The following OXR1 variants were observed in gnomAD, a reference collection of about 807,000 sequenced individuals.
The protein encoded by OXR1 is oxidation resistance 1.
In OXR1, 41 loss-of-function variants were observed where a neutral mutation model predicts 104.6. The observed-to-expected ratio is 0.39, with a 90% CI of 0.31 to 0.51. The LOEUF (loss-of-function observed/expected upper bound fraction) is 0.51, where lower values mean the gene tolerates loss of function less well. Ranked by LOEUF, OXR1 falls within the 20% of genes least tolerant of loss-of-function variation. The probability of loss-of-function intolerance (pLI) is 0.77; values close to 1 mark genes in which losing one functional copy is unlikely to be tolerated. For synonymous variants in OXR1, 348 were observed against 348.4 expected (o/e 1.00, Z 0.01); for missense variants, 955 against 1,031.9 (o/e 0.93, Z 1.02).
rs554298861 is a variant in OXR1 at position 106,381,990 on chromosome 8, G to A, written c.23+22354G>A. Among the ~76,000 whole-genome samples, 13 of 152,224 alleles carry A rather than the reference G, an allele frequency of 8.5e-5. No individual in the cohort carries two copies. The East Asian group carries it at 2.3e-3, about 27-fold the overall frequency. On this transcript the variant is annotated intron_variant, in intron 2 of 16. Coordinates refer to ENST00000517566, the MANE Select transcript of OXR1 (RefSeq NM_001198533.2). Reference sequence around the variant, plus strand: ...GTCTAAACATTTCTTTCTAAATTATGAGCATCCATCAGATGATATTCCTTT... The same window carrying A: ...GTCTAAACATTTCTTTCTAAATTATAAGCATCCATCAGATGATATTCCTTT...
At chr8:106,621,451 TA>T (rs71562112) in intron 3 of OXR1, among the ~76,000 whole-genome samples, 2 of 149,466 alleles carry the variant, frequency 1.3e-5, no homozygotes, top group African/African-American at 4.9e-5. Context: ...ATGCTGTCTC[TA>T]AAAAAAACAA....
chr8:106,589,643 A>G (rs547227288), intron 3 of OXR1, among the ~76,000 whole-genome samples: 46 of 152,108 alleles, frequency 3.0e-4, no homozygotes, highest in Non-Finnish European at 5.6e-4. Context: ...CTGTGATGAG[A>G]GGTGCTTGAC....
intron 7 of OXR1, among the ~76,000 whole-genome samples, chr8:106,694,948 ATATT>A (rs1563717273): frequency 7.2e-6 from 1 of 139,714 alleles, no homozygotes; most frequent in Non-Finnish European, 1.5e-5. Context: ...TAAATATAAA[ATATT>A]TATATATATT....
chr8:106,447,803 A>G (rs916630310), intron 2 of OXR1: 3 of 1,063,254 alleles, frequency 2.8e-6, no homozygotes, highest in African/African-American at 1.6e-5. Flanking sequence ...CGAACGGCAT[A>G]TTCTTTGGGT....
intron 1 of OXR1, among the ~76,000 whole-genome samples, chr8:106,280,052 C>T (rs1812214969): frequency 6.6e-6 from 1 of 151,978 alleles, no homozygotes; most frequent in Non-Finnish European, 1.5e-5. Flanking sequence ...GACCAATAGT[C>T]CTAAAGCATA....
At chr8:106,671,703 C>A (rs941914235) in intron 3 of OXR1, among the ~76,000 whole-genome samples, 2 of 150,928 alleles carry the variant, frequency 1.3e-5, no homozygotes, top group African/African-American at 4.9e-5. Context: ...TCATTCTCAG[C>A]AAACTATCAC....
intron 3 of OXR1, among the ~76,000 whole-genome samples, chr8:106,642,587 T>C (rs1370719951): frequency 6.6e-6 from 1 of 152,202 alleles, no homozygotes; most frequent in Non-Finnish European, 1.5e-5. Context: ...CACACCATTT[T>C]TGCAGTCCTT....
intron 2 of OXR1, among the ~76,000 whole-genome samples, chr8:106,439,402 G>C (rs1293228542): frequency 6.6e-6 from 1 of 150,980 alleles, no homozygotes; most frequent in Admixed American, 6.6e-5. Flanking sequence ...CCAGAACTGT[G>C]AGAAAAAAAA....
At chr8:106,520,061 AT>A (rs762159113) in intron 3 of OXR1, among the ~76,000 whole-genome samples, 9 of 152,124 alleles carry the variant, frequency 5.9e-5, no homozygotes, top group Non-Finnish European at 1.2e-4. Context: ...ATTTGGAGAG[AT>A]TTGGTCACAT....
At chr8:106,733,793 T>A (rs1165804077) in intron 11 of OXR1, among the ~76,000 whole-genome samples, 22 of 133,306 alleles carry the variant, frequency 1.7e-4, no homozygotes. Flanking sequence ...GCCACTGCAC[T>A]CCAGCCTGAG....
rs570025630 is a variant in OXR1 at position 106,697,898 on chromosome 8, G to A, written c.676-5008G>A. 1.5e-4 allele frequency: 236 copies of A among 1,612,224 alleles called. 1 individual carries two copies. Among genetic ancestry groups the A allele is most frequent in the Non-Finnish European group, 1.9e-4 (220 of 1,179,226 alleles). The stretch of plus-strand genomic sequence containing the variant: ...GGCTGGGACCGGCCCACATCCTTTC[G>A]GCACTGGGTGGTGATCCACTGGATC... On this transcript the variant is annotated intron_variant, in intron 7 of 16. Coordinates refer to ENST00000517566, the MANE Select transcript of OXR1 (RefSeq NM_001198533.2).
At chr8:106,552,471 A>G (rs964973835) in intron 3 of OXR1, among the ~76,000 whole-genome samples, 1 of 152,134 alleles carries the variant, frequency 6.6e-6, no homozygotes, top group Non-Finnish European at 1.5e-5. Flanking sequence ...GGCCTAAACT[A>G]TTATAACATT....
Position 106,376,036 on chromosome 8 carries a change from G to T in OXR1, c.23+16400G>T, listed in dbSNP as rs572537378. The stretch of plus-strand genomic sequence containing the variant: ...GCTAATTTTAAAAATATTTTCAAAG[G>T]CAGGGTCTCAGTATGTTACCCAGGC... On this transcript the variant is annotated intron_variant, in intron 2 of 16. Coordinates refer to ENST00000517566, the MANE Select transcript of OXR1 (RefSeq NM_001198533.2). Among the ~76,000 whole-genome samples, 4 of 151,920 alleles carry T rather than the reference G, an allele frequency of 2.6e-5. No individual in the cohort carries two copies. The South Asian group carries it at 8.3e-4, about 32-fold the overall frequency.
chr8:106,303,092 C>T (rs1343146613), intron 1 of OXR1, among the ~76,000 whole-genome samples: 3 of 151,112 alleles, frequency 2.0e-5, no homozygotes, highest in African/African-American at 4.9e-5. Context: ...GATATGAAAA[C>T]GAAAGCCCTG....
rs776986448 is a variant in OXR1 at position 106,296,357 on chromosome 8, A to T, written c.-139+25990A>T. On this transcript the variant is annotated intron_variant, in intron 1 of 16. Transcript: ENST00000517566. ...GCTCTTTTAGGTATTGATAATGATG[A>T]TGATAGTACTAATAATGATATTAGT... is the stretch of plus-strand genomic sequence containing the variant. Among the ~76,000 whole-genome samples the T allele has an allele frequency of 1.6e-3, 243 of 152,208 alleles. 2 individuals carry two copies. The highest frequency in any genetic ancestry group is 2.2e-3 in the Non-Finnish European group (148 of 68,038).
In OXR1 at chr8:106,739,587, T is replaced by A; in HGVS notation, c.2163+4T>A. The A allele has an allele frequency of 6.2e-7, 1 of 1,612,820 alleles. No homozygotes were observed. Among genetic ancestry groups the A allele is most frequent in the Non-Finnish European group, 8.5e-7 (1 of 1,179,472 alleles). On this transcript the variant is annotated splice_donor_region_variant and intron_variant, in intron 13 of 16. Coordinates refer to ENST00000517566, the MANE Select transcript of OXR1 (RefSeq NM_001198533.2). ...ACTGCCAGATCAAATTGAAAAGGTA[T>A]GACATGCTCACATATGTGCATTTCT...
At chr8:106,547,801 C>G (rs147899352) in intron 3 of OXR1, among the ~76,000 whole-genome samples, 2 of 152,210 alleles carry the variant, frequency 1.3e-5, no homozygotes, top group African/African-American at 4.8e-5. Flanking sequence ...CTGCACCTGG[C>G]CAGATTTCCT....
At chr8:106,654,662 T>A (rs1013751976) in intron 3 of OXR1, among the ~76,000 whole-genome samples, 2 of 152,138 alleles carry the variant, frequency 1.3e-5, no homozygotes, top group African/African-American at 4.8e-5. Context: ...ACATAATAGT[T>A]AATCTTCGAA....
chr8:106,512,551 T>G (rs773366790), intron 2 of OXR1, among the ~76,000 whole-genome samples: 12 of 152,120 alleles, frequency 7.9e-5, no homozygotes, highest in Non-Finnish European at 1.8e-4. Flanking sequence ...GGAGAGGTGA[T>G]TCCAGTGAAG....
Sources: gnomAD v4.1 joint callset for allele counts (sites outside exome capture counted in the v4.1 genomes callset) on GRCh38, gnomAD v4.1.1 for gene constraint, MANE v1.5 for transcripts, NCBI Gene and HGNC (gene_info 2026-07-23, HGNC 2026-07-21) for gene names.